Variants in SLC35F3 observed in about 807,000 individuals in gnomAD.
SLC35F3 encodes putative thiamine transporter SLC35F3.
A neutral mutation model predicts 49.9 loss-of-function variants in SLC35F3; 25 were observed. That is an observed-to-expected ratio of 0.50 (90% CI 0.37 to 0.70). The LOEUF (loss-of-function observed/expected upper bound fraction) is 0.70, where lower values mean the gene tolerates loss of function less well. SLC35F3 is among the 30% of genes least tolerant of loss of function. SLC35F3 has a pLI of 0.00. For synonymous variants in SLC35F3, 275 were observed against 265.4 expected (o/e 1.04, Z -0.35); for missense variants, 525 against 639.8 (o/e 0.82, Z 1.94).
At chr1:234,241,124 T>C (rs920537976) in intron 3 of SLC35F3, among the ~76,000 whole-genome samples, 1 of 152,238 alleles carries the variant, frequency 6.6e-6, no homozygotes, top group Non-Finnish European at 1.5e-5. Flanking sequence ...TCTTTTCTGC[T>C]GGCACCCCTT....
chr1:234,254,865 T>A (rs1667794482), intron 3 of SLC35F3, among the ~76,000 whole-genome samples: 1 of 152,212 alleles, frequency 6.6e-6, no homozygotes, highest in African/African-American at 2.4e-5. Context: ...TGTCAACATG[T>A]TTTAGTTCAT....
intron 2 of SLC35F3, among the ~76,000 whole-genome samples, chr1:234,032,077 C>T (rs910537201): frequency 5.9e-5 from 9 of 152,056 alleles, no homozygotes; most frequent in African/African-American, 2.2e-4. Flanking sequence ...TTCTGAATAG[C>T]ATGTTTGCAT....
At chr1:234,140,273 A>T (rs549842655) in intron 2 of SLC35F3, among the ~76,000 whole-genome samples, 1 of 152,306 alleles carries the variant, frequency 6.6e-6, no homozygotes, top group Admixed American at 6.5e-5. Flanking sequence ...TCACGCAGGC[A>T]TTTAATCATC....
intron 2 of SLC35F3, among the ~76,000 whole-genome samples, chr1:233,913,190 C>G (rs1661910799): frequency 6.6e-6 from 1 of 152,156 alleles, no homozygotes; most frequent in Non-Finnish European, 1.5e-5. Context: ...AGCAAAGGGA[C>G]AACATATGCA....
intron 2 of SLC35F3, among the ~76,000 whole-genome samples, chr1:233,943,898 T>C (rs1018173809): frequency 3.3e-5 from 5 of 152,168 alleles, no homozygotes; most frequent in African/African-American, 9.7e-5. Flanking sequence ...TTCTTTGAGG[T>C]TTCCTTACAT....
At chr1:234,206,340 A>G (rs1301369195) in intron 2 of SLC35F3, among the ~76,000 whole-genome samples, 1 of 151,820 alleles carries the variant, frequency 6.6e-6, no homozygotes, top group East Asian at 1.9e-4. Context: ...GGTAGCAGAA[A>G]AGAAACCAGC....
chr1:233,965,735 A>G (rs1662893852), intron 2 of SLC35F3, among the ~76,000 whole-genome samples: 1 of 152,164 alleles, frequency 6.6e-6, no homozygotes, highest in Non-Finnish European at 1.5e-5. Context: ...CAATACCTTG[A>G]TTATAGCTCT....
intron 3 of SLC35F3, among the ~76,000 whole-genome samples, chr1:234,236,973 T>G (rs1423390979): frequency 2.0e-5 from 2 of 98,788 alleles, no homozygotes; most frequent in African/African-American, 3.7e-5. Flanking sequence ...ATGGAGGAAA[T>G]GGGGCGAGAG....
intron 2 of SLC35F3, among the ~76,000 whole-genome samples, chr1:234,047,680 T>TAC (rs965509058): frequency 1.4e-5 from 2 of 142,900 alleles, no homozygotes; most frequent in African/African-American, 3.0e-5. Flanking sequence ...ATCATACACA[T>TAC]ACACACACAC....
At chr1:234,300,317 A>T (rs553184000) in intron 3 of SLC35F3, among the ~76,000 whole-genome samples, 1 of 152,208 alleles carries the variant, frequency 6.6e-6, no homozygotes, top group Non-Finnish European at 1.5e-5. Flanking sequence ...TTGGCCCCTC[A>T]CTGGACAGTA....
chr1:234,011,061 G>T (rs1190032469), intron 2 of SLC35F3, among the ~76,000 whole-genome samples: 1 of 151,992 alleles, frequency 6.6e-6, no homozygotes, highest in East Asian at 1.9e-4. Flanking sequence ...CATATTTCTG[G>T]TCACAAAAAC....
chr1:234,266,873 G>GTTTTTTTTTTTTTTTTTT (rs34040004), intron 3 of SLC35F3, among the ~76,000 whole-genome samples: 3 of 108,646 alleles, frequency 2.8e-5, no homozygotes, highest in African/African-American at 3.5e-5. Context: ...GAAGCACATG[G>GTTTTTTTTTTTTTTTTTT]TTTTTTTTTT....
chr1:234,309,015 T>TAAAAAAAA, intron 3 of SLC35F3, 86 bp from the exon 4 acceptor site: 20 of 951,450 alleles, frequency 2.1e-5, no homozygotes, highest in East Asian at 2.8e-5. Flanking sequence ...TATATTTGCT[T>TAAAAAAAA]AAAAAAAAAA....
At chr1:234,064,711 A>G (rs1316075128) in intron 2 of SLC35F3, among the ~76,000 whole-genome samples, 1 of 152,180 alleles carries the variant, frequency 6.6e-6, no homozygotes, top group Non-Finnish European at 1.5e-5. Context: ...GTTTGATTTA[A>G]CTGCCTTAGA....
intron 2 of SLC35F3, among the ~76,000 whole-genome samples, chr1:234,016,766 CTATT>C (rs1663807912): frequency 2.0e-5 from 3 of 152,164 alleles, no homozygotes; most frequent in African/African-American, 7.2e-5. Context: ...ATACTATAGT[CTATT>C]TATAGATTTC....
At chr1:234,079,289 G>T (rs1240448144) in intron 2 of SLC35F3, among the ~76,000 whole-genome samples, 1 of 151,994 alleles carries the variant, frequency 6.6e-6, no homozygotes, top group Admixed American at 6.6e-5. Context: ...TGAGATTAGG[G>T]GTCTAACTTC....
intron 2 of SLC35F3, among the ~76,000 whole-genome samples, chr1:234,142,492 G>A (rs571712700): frequency 4.6e-5 from 7 of 152,292 alleles, no homozygotes; most frequent in Middle Eastern, 3.4e-3. Context: ...AAAGGGTTTC[G>A]GGGTGCAGAG....
intron 2 of SLC35F3, among the ~76,000 whole-genome samples, chr1:234,224,248 A>G (rs1667253173): frequency 6.6e-6 from 1 of 152,030 alleles, no homozygotes; most frequent in Non-Finnish European, 1.5e-5. Flanking sequence ...GTATTTTTTT[A>G]TAGAGATGGA....
chr1:234,219,635 G>A (rs1051459559), intron 2 of SLC35F3, among the ~76,000 whole-genome samples: 1 of 152,204 alleles, frequency 6.6e-6, no homozygotes, highest in Non-Finnish European at 1.5e-5. Flanking sequence ...GGTGAACTCA[G>A]TTCTGGCTGG....
Sources: allele counts gnomAD v4.1 joint callset (sites outside exome capture counted in the v4.1 genomes callset), GRCh38; gene constraint gnomAD v4.1.1; transcripts MANE v1.5; gene names NCBI Gene and HGNC (gene_info 2026-07-23, HGNC 2026-07-21).